EMCN: variants seen among roughly 807,000 people sequenced by gnomAD.
EMCN encodes MUC-14.
EMCN carries 37 observed loss-of-function variants against 38.4 expected under a neutral mutation model. The observed-to-expected ratio is 0.96, with a 90% CI of 0.74 to 1.27. The LOEUF (loss-of-function observed/expected upper bound fraction) is 1.27, where lower values mean the gene tolerates loss of function less well. EMCN is among the 50% of genes most tolerant of loss of function. The pLI is 0.00. For missense variants in EMCN, 318 were observed against 302.8 expected, an observed-to-expected ratio of 1.05 and a Z score of -0.37; for synonymous variants, 95 against 100.8, an observed-to-expected ratio of 0.94 and a Z score of 0.35.
chr4:100,406,950 G>A (rs1726410039), intron 11 of EMCN, among the ~76,000 whole-genome samples: 1 of 152,102 alleles, frequency 6.6e-6, no homozygotes, highest in African/African-American at 2.4e-5. Context: ...AAGTCTTCTT[G>A]TTGAGTTGAA....
chr4:100,442,924 A>C (rs918392834), intron 5 of EMCN, among the ~76,000 whole-genome samples: 1 of 152,188 alleles, frequency 6.6e-6, no homozygotes, highest in African/African-American at 2.4e-5. Context: ...ATCTTGGCTC[A>C]CTGAAATCTC....
intron 1 of EMCN, among the ~76,000 whole-genome samples, chr4:100,516,610 T>C (rs774703383): frequency 1.3e-5 from 2 of 152,124 alleles, no homozygotes; most frequent in Non-Finnish European, 2.9e-5. Context: ...TTTCTGGCCT[T>C]GATACCAGCT....
intron 1 of EMCN, among the ~76,000 whole-genome samples, chr4:100,490,740 A>G (rs971391532): frequency 6.6e-6 from 1 of 152,160 alleles, no homozygotes; most frequent in East Asian, 1.9e-4. Flanking sequence ...ATGACCTAAC[A>G]AGACGTTTCG....
At chr4:100,433,296 A>G (rs1727253790) in intron 5 of EMCN, among the ~76,000 whole-genome samples, 1 of 152,260 alleles carries the variant, frequency 6.6e-6, no homozygotes, top group South Asian at 2.1e-4. Context: ...GGCAAGTCTC[A>G]TTATTTTTTA....
chr4:100,430,846 C>T (rs1475594784), intron 5 of EMCN, among the ~76,000 whole-genome samples: 1 of 152,082 alleles, frequency 6.6e-6, no homozygotes, highest in Non-Finnish European at 1.5e-5. Context: ...CTTTTATTCT[C>T]AATTAATTTT....
intron 5 of EMCN, among the ~76,000 whole-genome samples, chr4:100,436,598 T>C (rs536663756): frequency 4.6e-5 from 7 of 152,174 alleles, no homozygotes; most frequent in African/African-American, 1.7e-4. Context: ...ATAGCAAATA[T>C]ATGGAATCAA....
intron 1 of EMCN, among the ~76,000 whole-genome samples, chr4:100,508,170 A>G (rs1729532035): frequency 6.6e-6 from 1 of 152,188 alleles, no homozygotes; most frequent in Non-Finnish European, 1.5e-5. Context: ...CTCATTTTAT[A>G]GACATGAAAA....
At chr4:100,479,844 C>T (rs1302798666) in intron 2 of EMCN, 73 bp downstream of exon 2, 1 of 1,222,886 alleles carries the variant, frequency 8.2e-7, no homozygotes, top group East Asian at 2.8e-5. Flanking sequence ...ATTATTTTTT[C>T]ATACTGATGT....
In EMCN at chr4:100,517,878, G is replaced by T; in HGVS notation, c.37C>A (p.Pro13Thr). 6.2e-7 allele frequency: 1 copy of T among 1,612,826 alleles called. No homozygotes were observed. The highest frequency in any genetic ancestry group is 8.5e-7 in the Non-Finnish European group (1 of 1,179,032). Residue 13 changes from proline (P) to threonine (T), a missense_variant, in exon 1 of 12, where the codon CCC (proline) becomes ACC (threonine). Coordinates refer to ENST00000296420, the MANE Select transcript of EMCN (RefSeq NM_016242.4). ...GTGCTGTTACTGCTGCAAATACTGG[G>T]CAGAAGAAAAAGAATGGTCACTTGA... is the stretch of plus-strand genomic sequence containing the variant. ...LLQVTILFLL[P>T]SICSSNSTGV...
intron 10 of EMCN, among the ~76,000 whole-genome samples, chr4:100,412,999 G>C (rs1726608081): frequency 6.6e-6 from 1 of 152,108 alleles, no homozygotes; most frequent in Non-Finnish European, 1.5e-5. Context: ...GCATCCCTTG[G>C]CATTTTCCCT....
intron 5 of EMCN, among the ~76,000 whole-genome samples, chr4:100,438,984 G>T (rs1360906731): frequency 1.3e-5 from 2 of 151,962 alleles, no homozygotes; most frequent in African/African-American, 2.4e-5. Context: ...GGTTTAGTTT[G>T]TTATGTTGTT....
chr4:100,497,507 G>T (rs543265227), intron 1 of EMCN, among the ~76,000 whole-genome samples: 1 of 152,138 alleles, frequency 6.6e-6, no homozygotes, highest in East Asian at 1.9e-4. Context: ...CTCCTGAGTA[G>T]TTGGGACTAC....
intron 5 of EMCN, among the ~76,000 whole-genome samples, chr4:100,441,566 T>A (rs1316654745): frequency 1.3e-5 from 2 of 152,200 alleles, no homozygotes; most frequent in East Asian, 3.8e-4. Context: ...TGATTATTGG[T>A]AGCTTCGTTT....
intron 10 of EMCN, among the ~76,000 whole-genome samples, chr4:100,414,966 C>T (rs1224300611): frequency 2.6e-5 from 4 of 152,200 alleles, no homozygotes; most frequent in East Asian, 3.9e-4. Context: ...TGCCGTGGCA[C>T]GATCTTGCAG....
rs533126916 is a variant in EMCN at position 100,423,387 on chromosome 4, C to A, written c.433G>T (p.Asp145Tyr). Residue 145 changes from aspartate to tyrosine, a missense_variant, in exon 6 of 12, where the codon GAT becomes TAT. By Grantham distance (160) the Asp-to-Tyr change is radical. Coordinates refer to ENST00000296420, the MANE Select transcript of EMCN (RefSeq NM_016242.4). ...TEIPGSVLQP[D>Y]ASPSKTGTLT... ...GTACCAGTTTTAGAAGGTGATGCAT[C>A]TGGTTGTAGAACACTACCTGTATGA... is the stretch of plus-strand genomic sequence containing the variant. 7 of 1,612,356 alleles carry A rather than the reference C, an allele frequency of 4.3e-6. 1 individual carries two copies. The South Asian group carries it at 7.7e-5, about 18-fold the overall frequency.
intron 1 of EMCN, among the ~76,000 whole-genome samples, chr4:100,490,695 T>C (rs919523107): frequency 9.2e-5 from 14 of 152,204 alleles, no homozygotes; most frequent in African/African-American, 3.1e-4. Flanking sequence ...AGGTGTGTAG[T>C]AGGTTGTGTA....
chr4:100,440,625 G>GAT (rs1727486548), intron 5 of EMCN, among the ~76,000 whole-genome samples: 1 of 151,588 alleles, frequency 6.6e-6, no homozygotes, highest in African/African-American at 2.4e-5. Context: ...ATATATATGT[G>GAT]ATATATATAA....
At chr4:100,482,203 C>T in intron 1 of EMCN, among the ~76,000 whole-genome samples, 1 of 151,994 alleles carries the variant, frequency 6.6e-6, no homozygotes, top group Middle Eastern at 3.2e-3. Flanking sequence ...AGATTACAGT[C>T]AGAGCTTTTT....
At chr4:100,422,672 C>A (rs1198524409) in intron 7 of EMCN, among the ~76,000 whole-genome samples, 4 of 151,740 alleles carry the variant, frequency 2.6e-5, no homozygotes, top group African/African-American at 9.7e-5. Flanking sequence ...TTTATGGGGA[C>A]CTCTACCTGT....
Sources: allele counts gnomAD v4.1 joint callset (sites outside exome capture counted in the v4.1 genomes callset), GRCh38; gene constraint gnomAD v4.1.1; transcripts MANE v1.5; gene names NCBI Gene and HGNC (gene_info 2026-07-23, HGNC 2026-07-21).